The following FRRS1 variants were observed in gnomAD, a reference collection of about 807,000 sequenced individuals.
FRRS1 encodes the protein ferric reductase 1.
A neutral mutation model predicts 70.7 loss-of-function variants in FRRS1; 51 were observed. That is an observed-to-expected ratio of 0.72 (90% CI 0.58 to 0.91). FRRS1 has a LOEUF of 0.91. Ranked by LOEUF, FRRS1 falls within the 40% of genes least tolerant of loss-of-function variation. FRRS1 has a pLI of 0.00. For synonymous variants in FRRS1, 225 were observed against 238.7 expected (o/e 0.94, Z 0.53); for missense variants, 672 against 726.0 (o/e 0.93, Z 0.86).
chr1:99,739,601 G>GAATAAAAAGGTACAGAAGGAT (rs1338350034), intron 6 of FRRS1, among the ~76,000 whole-genome samples: 3 of 152,034 alleles, frequency 2.0e-5, no homozygotes, highest in Non-Finnish European at 4.4e-5. Context: ...TTCTCTATGT[G>GAATAAAAAGGTACAGAAGGAT]AATAAAAAGG....
chr1:99,714,022 T>A (rs909485978), intron 12 of FRRS1, among the ~76,000 whole-genome samples: 1 of 152,010 alleles, frequency 6.6e-6, no homozygotes, highest in Non-Finnish European at 1.5e-5. Context: ...GAGGCTGGTA[T>A]GGAAGGAGAT....
At chr1:99,751,519 G>A (rs1656566895) in intron 1 of FRRS1, among the ~76,000 whole-genome samples, 1 of 151,952 alleles carries the variant, frequency 6.6e-6, no homozygotes, top group Non-Finnish European at 1.5e-5. Context: ...GAAGCCAGAG[G>A]AAAAAGAAAG....
At chr1:99,765,987 G>C (rs772833431) in intron 1 of FRRS1, among the ~76,000 whole-genome samples, 1 of 152,018 alleles carries the variant, frequency 6.6e-6, no homozygotes, top group Non-Finnish European at 1.5e-5. Context: ...GAAAAGTTTA[G>C]CTATGTTAAG....
rs1449691039 is a variant in FRRS1, at chr1:99,719,565, T to C, written c.1089A>G (p.Gly363=). 1 of 1,603,728 alleles carries C rather than the reference T, an allele frequency of 6.2e-7. No homozygotes were observed. The highest frequency in any genetic ancestry group is 1.1e-5 in the South Asian group (1 of 90,810). ...CCTTCAGAAGGAGTACAGAATGGGATCCTCCTATGTTCTTTGGAGAGTCTG... is the reference window on the plus strand; with the variant it reads ...CCTTCAGAAGGAGTACAGAATGGGACCCTCCTATGTTCTTTGGAGAGTCTG... ...DVTDSPKNIG[G]SHSVLLLKVH... is the part of the protein sequence containing the mutation. The change falls in exon 10 of 17, where the codon GGA becomes GGG. Residue 363 remains glycine (G), a synonymous_variant. Coordinates refer to ENST00000646001, the MANE Select transcript of FRRS1 (RefSeq NM_001361041.2).
chr1:99,731,420 T>C (rs1429036804), intron 7 of FRRS1, among the ~76,000 whole-genome samples: 1 of 152,202 alleles, frequency 6.6e-6, no homozygotes, highest in African/African-American at 2.4e-5. Context: ...GATGTACTCT[T>C]AGCAAAGTAA....
chr1:99,749,618 G>C (rs1397160597), intron 1 of FRRS1, among the ~76,000 whole-genome samples: 3 of 152,182 alleles, frequency 2.0e-5, no homozygotes, highest in Non-Finnish European at 1.5e-5. Flanking sequence ...GGATAACAGA[G>C]AACCAATTGG....
At position 99,705,217 on chromosome 1, in the gene FRRS1, A is replaced by G. The variant is rs1654004348; in HGVS notation, c.*3811T>C. Among the ~76,000 whole-genome samples, 2 of 152,270 alleles carry G rather than the reference A, an allele frequency of 1.3e-5. No homozygotes were observed. Among genetic ancestry groups the G allele is most frequent in the South Asian group, 4.1e-4 (2 of 4,820 alleles). Reference sequence around the variant, plus strand: ...TGAGCAGTGGGGCACTGAAGAAGCCAGCCACATCCCCATTCCACACCCTGC... The same window carrying G: ...TGAGCAGTGGGGCACTGAAGAAGCCGGCCACATCCCCATTCCACACCCTGC... On this transcript the variant is annotated 3_prime_UTR_variant, in exon 17 of 17. Transcript: ENST00000646001.
chr1:99,716,968 A>G (rs768316013), intron 11 of FRRS1, among the ~76,000 whole-genome samples: 12 of 152,202 alleles, frequency 7.9e-5, no homozygotes, highest in Non-Finnish European at 1.2e-4. Flanking sequence ...CTAACATTCA[A>G]TGGCCCACAA....
At chr1:99,759,050 C>G (rs1856404) in intron 1 of FRRS1, among the ~76,000 whole-genome samples, 36,856 of 152,050 alleles carry the variant, frequency 0.24, 4,556 homozygotes, top group South Asian at 0.4. Flanking sequence ...AAGACAATAC[C>G]TGCACGGCTG....
chr1:99,715,800 A>G (rs1410271912), intron 11 of FRRS1, 128 bp from the exon 12 acceptor site: 1 of 603,282 alleles, frequency 1.7e-6, no homozygotes, highest in African/African-American at 1.9e-5. Context: ...ACTGACATCT[A>G]ATCACAGTTT....
At position 99,707,741 on chromosome 1, in the gene FRRS1, AC is replaced by A. The variant is rs1654071752; in HGVS notation, c.*1286del. On this transcript the variant is annotated 3_prime_UTR_variant, in exon 17 of 17. Coordinates refer to ENST00000646001, the MANE Select transcript of FRRS1 (RefSeq NM_001361041.2). ...TGCAGTACTTCGGTATTACAGCGCC[AC>A]CCACTGGCTAGAAGTCCTCATAGCA... Among the ~76,000 whole-genome samples, 1 of 152,232 alleles carries A rather than the reference AC, an allele frequency of 6.6e-6. No individual in the cohort carries two copies. Among genetic ancestry groups the A allele is most frequent in the Non-Finnish European group, 1.5e-5 (1 of 68,034 alleles).
chr1:99,750,424 A>G (rs1427143098), intron 1 of FRRS1, among the ~76,000 whole-genome samples: 2 of 152,216 alleles, frequency 1.3e-5, no homozygotes, highest in Non-Finnish European at 2.9e-5. Flanking sequence ...CTTAGGTATG[A>G]TGGAGATGTT....
At chr1:99,763,479 CAGG>C (rs1657206205) in intron 1 of FRRS1, among the ~76,000 whole-genome samples, 2 of 152,154 alleles carry the variant, frequency 1.3e-5, no homozygotes, top group South Asian at 4.1e-4. Flanking sequence ...CTCTCATACA[CAGG>C]GACAATGGTA....
chr1:99,748,815 T>C lies in FRRS1; in HGVS notation c.1-47A>G, dbSNP rs1656419274. 5.6e-6 allele frequency: 8 copies of C among 1,440,148 alleles called. No homozygotes were observed. In the East Asian group the frequency reaches 1.6e-4, roughly 29 times the overall value. The allele number at this position is 1,440,148 out of a possible 1,614,324, so 89.2% of individuals were successfully genotyped here. A position where few individuals can be genotyped will look rare whatever the true frequency, so the allele number is the denominator to read the frequency against. On this transcript the variant is annotated intron_variant, in intron 2 of 16. Coordinates refer to ENST00000646001, the MANE Select transcript of FRRS1 (RefSeq NM_001361041.2). ...CCATTATTGTCATATATAATTAAAA[T>C]ATAAAAGCTTTTACACAACTGGACC... is the stretch of plus-strand genomic sequence containing the variant.
intron 9 of FRRS1, among the ~76,000 whole-genome samples, chr1:99,722,990 C>T (rs1654907954): frequency 6.6e-6 from 1 of 152,080 alleles, no homozygotes; most frequent in Non-Finnish European, 1.5e-5. Flanking sequence ...AATAACTTTC[C>T]TATATGACAA....
intron 1 of FRRS1, among the ~76,000 whole-genome samples, chr1:99,758,111 T>G (rs1294208166): frequency 1.3e-5 from 2 of 152,220 alleles, no homozygotes; most frequent in African/African-American, 2.4e-5. Flanking sequence ...GGTAGGGGAA[T>G]AGTCAAGTAT....
chr1:99,722,264 C>T lies in FRRS1; in HGVS notation c.1007-2617G>A, dbSNP rs186722832. 2.6e-5 allele frequency among the ~76,000 whole-genome samples: 4 copies of T among 152,206 alleles called. No individual in the cohort carries two copies. The East Asian group carries it at 7.7e-4, about 29-fold the overall frequency. On this transcript the variant is annotated intron_variant, in intron 9 of 16. Coordinates refer to ENST00000646001, the MANE Select transcript of FRRS1 (RefSeq NM_001361041.2). ...GCTCAAATGATCTGCCCGTCTCGGT[C>T]TCTCAAAGTGCTTGGATTACAGCAT...
intron 1 of FRRS1, among the ~76,000 whole-genome samples, chr1:99,754,116 G>A (rs1171883185): frequency 6.6e-6 from 1 of 152,154 alleles, no homozygotes; most frequent in Non-Finnish European, 1.5e-5. Flanking sequence ...ATCAAAATAA[G>A]TGAGGCAAAA....
Position 99,708,625 on chromosome 1 carries a change from A to AATATATATAT in FRRS1, c.*393_*402dup. ...AAAAAAAAAAAAAAAAAAAAAAAAA[A>AATATATATAT]ATATATATATATATATATATATATA... is the stretch of plus-strand genomic sequence containing the variant. On this transcript the variant is annotated 3_prime_UTR_variant, in exon 17 of 17. Transcript: ENST00000646001. 73 of 52,726 alleles carry AATATATATAT rather than the reference A, an allele frequency of 1.4e-3. No homozygotes were observed. The highest frequency in any genetic ancestry group is 2.5e-3 in the African/African-American group (29 of 11,674). 3.3% of individuals were successfully genotyped at this position (52,726 alleles called of 1,614,324 possible). A position where few individuals can be genotyped will look rare whatever the true frequency, so the allele number is the denominator to read the frequency against.
Sources: allele counts gnomAD v4.1 joint callset (sites outside exome capture counted in the v4.1 genomes callset), GRCh38; gene constraint gnomAD v4.1.1; transcripts MANE v1.5; gene names NCBI Gene and HGNC (gene_info 2026-07-23, HGNC 2026-07-21).